Variants in CYP26B1 observed in about 807,000 individuals in gnomAD.
CYP26B1 encodes cytochrome P450 26B1.
Under a neutral mutation model 39.1 loss-of-function variants are expected in CYP26B1, and 8 were observed. That is an observed-to-expected ratio of 0.20 (90% confidence interval 0.12 to 0.37). CYP26B1 has a LOEUF of 0.37. Ranked by LOEUF, CYP26B1 falls within the 10% of genes least tolerant of loss-of-function variation. CYP26B1 has a pLI of 1.00. For missense variants in CYP26B1, 615 were observed against 707.0 expected (o/e 0.87, Z 1.48); for synonymous variants, 321 against 314.3 (o/e 1.02, Z -0.23).
intron 2 of CYP26B1, among the ~76,000 whole-genome samples, chr2:72,139,037 C>T (rs72908317): frequency 0.19 from 28,634 of 152,220 alleles, 7,522 homozygotes; most frequent in African/African-American, 0.59. Flanking sequence ...CTGCGTGCTG[C>T]GCTTGCTCAG....
intron 3 of CYP26B1, 32 bp downstream of exon 3, chr2:72,135,112 T>TGCTCC: frequency 6.2e-7 from 1 of 1,611,446 alleles, no homozygotes; most frequent in Non-Finnish European, 8.5e-7. Flanking sequence ...TGGATGCCCC[T>TGCTCC]GCTCCTCTCC....
At chr2:72,134,407 CTT>C (rs1374992243) in intron 4 of CYP26B1, among the ~76,000 whole-genome samples, 1 of 152,166 alleles carries the variant, frequency 6.6e-6, no homozygotes, top group Admixed American at 6.5e-5. Context: ...CTCCCCTGCT[CTT>C]CCCCAAGGGC....
At chr2:72,143,963 C>T in intron 2 of CYP26B1, 26 bp downstream of exon 2, 2 of 1,612,374 alleles carry the variant, frequency 1.2e-6, no homozygotes, top group South Asian at 2.2e-5. Context: ...AGGGATTGCG[C>T]GGAAGAAAAC....
intron 2 of CYP26B1, among the ~76,000 whole-genome samples, chr2:72,143,607 G>A (rs1470132681): frequency 6.6e-6 from 1 of 152,208 alleles, no homozygotes; most frequent in African/African-American, 2.4e-5. Flanking sequence ...TAGAATGATC[G>A]GTCTCCAGTC....
At chr2:72,137,642 C>T (rs978510590) in intron 2 of CYP26B1, among the ~76,000 whole-genome samples, 5 of 152,230 alleles carry the variant, frequency 3.3e-5, no homozygotes, top group South Asian at 4.1e-4. Flanking sequence ...CCATTTCCTG[C>T]GCCCTCTAGC....
chr2:72,133,190 G>A lies in CYP26B1; in HGVS notation c.979C>T (p.Arg327Trp), dbSNP rs199909218. 2.1e-5 allele frequency: 34 copies of A among 1,612,142 alleles called. No individual in the cohort carries two copies. The East Asian group carries it at 3.6e-4, about 17-fold the overall frequency. ...CCACTGTGCAGGATGCCATGAGCCCGCAGCTCATCCCGCAGCTTCTCCAGC... is the reference window on the plus strand; with the variant it reads ...CCACTGTGCAGGATGCCATGAGCCCACAGCTCATCCCGCAGCTTCTCCAGC... ...TVLEKLRDEL[R>W]AHGILHSGGC... Residue 327 changes from arginine (R) to tryptophan (W), a missense_variant, in exon 5 of 6, where the codon CGG becomes TGG. Transcript: ENST00000001146.
intron 4 of CYP26B1, among the ~76,000 whole-genome samples, chr2:72,134,440 T>C (rs991680463): frequency 1.3e-5 from 2 of 152,130 alleles, no homozygotes; most frequent in Non-Finnish European, 2.9e-5. Flanking sequence ...GACAAGCAAG[T>C]GGTTTCCCCT....
In CYP26B1 at chr2:72,130,759, C is replaced by T. The variant is rs1242582941; in HGVS notation, c.*1468G>A. ...AGCTACTCCTCTTTCACCCAGTCAT[C>T]CCGACTGGCCAGTTTTCAACCCAAT... is the stretch of plus-strand genomic sequence containing the variant. On this transcript the variant is annotated 3_prime_UTR_variant, in exon 6 of 6. Coordinates refer to ENST00000001146, the MANE Select transcript of CYP26B1 (RefSeq NM_019885.4). 1 of 152,154 alleles carries T rather than the reference C, an allele frequency of 6.6e-6. No individual in the cohort carries two copies. Among genetic ancestry groups the T allele is most frequent in the African/African-American group, 2.4e-5 (1 of 41,438 alleles). 9.4% of individuals were successfully genotyped at this position (152,154 alleles called of 1,614,324 possible). A position where few individuals can be genotyped will look rare whatever the true frequency, so the allele number is the denominator to read the frequency against.
At position 72,147,313 on chromosome 2, in the gene CYP26B1, T is replaced by TCGCTAGGCGCCCCCGGGG. The variant is rs1327449833; in HGVS notation, c.204+300_204+317dup. 3.3e-5 allele frequency among the ~76,000 whole-genome samples: 5 copies of TCGCTAGGCGCCCCCGGGG among 151,996 alleles called. No individual in the cohort carries two copies. Among genetic ancestry groups the TCGCTAGGCGCCCCCGGGG allele is most frequent in the Non-Finnish European group, 5.9e-5 (4 of 67,964 alleles). On this transcript the variant is annotated intron_variant, in intron 1 of 5. Coordinates refer to ENST00000001146, the MANE Select transcript of CYP26B1 (RefSeq NM_019885.4). The surrounding 1 kb of genome is among the most constrained non-coding windows in gnomAD (Gnocchi z 6.1). ...CCGGACCCTCCCCCGGGACCGCGCCTCGCTAGGCGCCCCCGGGGCGCTCCA... is the reference window on the plus strand; with the variant it reads ...CCGGACCCTCCCCCGGGACCGCGCCTCGCTAGGCGCCCCCGGGGCGCTAGGCGCCCCCGGGGCGCTCCA...
At chr2:72,140,324 C>T (rs1187072324) in intron 2 of CYP26B1, among the ~76,000 whole-genome samples, 1 of 152,242 alleles carries the variant, frequency 6.6e-6, no homozygotes, top group Non-Finnish European at 1.5e-5. Flanking sequence ...CCCCACTGAC[C>T]TTCAGATAGA....
chr2:72,132,221 C>T lies in CYP26B1; in HGVS notation c.*6G>A. The T allele has an allele frequency of 1.3e-6, 2 of 1,596,000 alleles. No individual in the cohort carries two copies. The highest frequency in any genetic ancestry group is 1.1e-5 in the South Asian group (1 of 87,986). On this transcript the variant is annotated 3_prime_UTR_variant, in exon 6 of 6. Transcript: ENST00000001146. Reference sequence around the variant, plus strand: ...CTGGGCTGGGCTGAGGCGGGTGGGTCTTGGGTTAGACTGTGGCGCTCAGCA... The same window carrying T: ...CTGGGCTGGGCTGAGGCGGGTGGGTTTTGGGTTAGACTGTGGCGCTCAGCA...
rs148075682 is a variant in CYP26B1 at position 72,132,331 on chromosome 2, C to T, written c.1435G>A (p.Val479Ile). The change falls in exon 6 of 6, where the codon GTC (valine) becomes ATC (isoleucine). Residue 479 changes from valine to isoleucine, a missense_variant. By Grantham distance (29) the Val-to-Ile change is conservative. Transcript: ENST00000001146. ...CTGAGGCCATCCACGGGGTGCAGGA[C>T]GGGGACCAAGGTGATGCGGGGGAAG... ...RTFPRITLVP[V>I]LHPVDGLSVK... 1.3e-4 allele frequency: 214 copies of T among 1,610,234 alleles called. 2 individuals are homozygous for T. The East Asian group carries it at 1.3e-3, about 10-fold the overall frequency.
intron 2 of CYP26B1, among the ~76,000 whole-genome samples, chr2:72,142,459 C>A (rs543795396): frequency 6.6e-6 from 1 of 152,328 alleles, no homozygotes; most frequent in African/African-American, 2.4e-5. Context: ...AGGCTCTCCC[C>A]GAAATTTTCT....
chr2:72,137,496 C>A lies in CYP26B1; in HGVS notation c.430-2077G>T, dbSNP rs141129081. On this transcript the variant is annotated intron_variant, in intron 2 of 5. Coordinates refer to ENST00000001146, the MANE Select transcript of CYP26B1 (RefSeq NM_019885.4). ...CAATGCTCGAATCCCCTGGGGAGTG[C>A]CTTCCAGCCCCTACTCACACACCCC... Among the ~76,000 whole-genome samples, 51 of 151,904 alleles carry A rather than the reference C, an allele frequency of 3.4e-4. 2 individuals carry two copies. The East Asian group carries it at 9.9e-3, about 29-fold the overall frequency.
intron 2 of CYP26B1, among the ~76,000 whole-genome samples, chr2:72,136,064 C>T (rs935560485): frequency 1.5e-5 from 2 of 130,172 alleles, no homozygotes; most frequent in African/African-American, 2.6e-5. Context: ...TCCGTCCTCC[C>T]GGCTGGCTGC....
In CYP26B1 at chr2:72,143,473, C is replaced by T. The variant is rs190271200; in HGVS notation, c.429+516G>A. On this transcript the variant is annotated intron_variant, in intron 2 of 5. Coordinates refer to ENST00000001146, the MANE Select transcript of CYP26B1 (RefSeq NM_019885.4). ...AGACCCGTGCGCTCCGCTGCCCAGG[C>T]TCGCCGCACCTCTCTGACCAGGCCC... 1.8e-3 allele frequency among the ~76,000 whole-genome samples: 270 copies of T among 150,190 alleles called. 4 individuals are homozygous for T. Among genetic ancestry groups the T allele is most frequent in the Non-Finnish European group, 2.8e-4 (19 of 67,616 alleles).
intron 2 of CYP26B1, among the ~76,000 whole-genome samples, chr2:72,143,528 C>T (rs1315488665): frequency 2.0e-5 from 3 of 152,018 alleles, no homozygotes; most frequent in African/African-American, 4.8e-5. Flanking sequence ...CTGTCCCCAA[C>T]CTCCACGCGC....
intron 2 of CYP26B1, among the ~76,000 whole-genome samples, chr2:72,137,619 T>TGCCCC (rs1293989020): frequency 2.0e-5 from 3 of 152,168 alleles, no homozygotes; most frequent in Admixed American, 2.0e-4. Flanking sequence ...TGCCCTGCCC[T>TGCCCC]GCCCCGTGGG....
At chr2:72,142,753 C>T (rs1676978888) in intron 2 of CYP26B1, among the ~76,000 whole-genome samples, 1 of 152,210 alleles carries the variant, frequency 6.6e-6, no homozygotes, top group Non-Finnish European at 1.5e-5. Context: ...GAACTCCTCT[C>T]CCGCCGCCCC....
Sources: gnomAD v4.1 joint callset for allele counts (sites outside exome capture counted in the v4.1 genomes callset) on GRCh38, gnomAD v4.1.1 for gene constraint, Gnocchi (gnomAD v3.1) non-coding constraint, MANE v1.5 for transcripts, NCBI Gene and HGNC (gene_info 2026-07-23, HGNC 2026-07-21) for gene names.